Variants in DRC2 observed in about 807,000 individuals in gnomAD.
The protein encoded by DRC2 is coiled-coil domain containing 65.
At chr12:48,919,245 G>A in the DRC2 span, among the ~76,000 whole-genome samples, 9 of 146,962 alleles carry the variant, frequency 6.1e-5, no homozygotes, top group Non-Finnish European at 1.2e-4. Flanking sequence ...TCTTTTTGGT[G>A]AGACAGGGTC....
At chr12:48,917,136 A>T in the DRC2 span, 2 of 1,612,436 alleles carry the variant, frequency 1.2e-6, no homozygotes, top group East Asian at 4.5e-5. Context: ...ATAGGCAAGA[A>T]GTGGGAGGAG....
chr12:48,906,857 C>A, the DRC2 span, among the ~76,000 whole-genome samples: 3 of 151,766 alleles, frequency 2.0e-5, no homozygotes, highest in Admixed American at 2.0e-4. Flanking sequence ...TTAGCCACCG[C>A]GCCCAGCCCA....
the DRC2 span, among the ~76,000 whole-genome samples, chr12:48,919,709 G>T: frequency 6.6e-6 from 1 of 151,808 alleles, no homozygotes; most frequent in African/African-American, 2.4e-5. Flanking sequence ...GTGGAGACAG[G>T]GTTTCACCAT....
the DRC2 span, among the ~76,000 whole-genome samples, chr12:48,915,641 G>A: frequency 1.3e-5 from 2 of 151,850 alleles, no homozygotes; most frequent in African/African-American, 4.8e-5. Flanking sequence ...CCTCCCAGAC[G>A]GGGTGGTGGC....
At chr12:48,908,064 A>G in the DRC2 span, among the ~76,000 whole-genome samples, 1 of 152,090 alleles carries the variant, frequency 6.6e-6, no homozygotes, top group Non-Finnish European at 1.5e-5. Context: ...CCACCTGAGC[A>G]GTTGGGACTA....
At chr12:48,921,516 G>T in the DRC2 span, 13 of 1,372,782 alleles carry the variant, frequency 9.5e-6, 1 homozygote, top group Admixed American at 7.7e-5. Context: ...AACTCCTAGA[G>T]ATTTTTTTTT....
chr12:48,909,470 T>G, the DRC2 span, among the ~76,000 whole-genome samples: 1 of 151,000 alleles, frequency 6.6e-6, no homozygotes, highest in African/African-American at 2.5e-5. Flanking sequence ...TTCTTATTAT[T>G]TTTATTTTTA....
the DRC2 span, chr12:48,921,134 G>A: frequency 6.8e-6 from 11 of 1,611,288 alleles, no homozygotes; most frequent in Non-Finnish European, 9.3e-6. Context: ...AATGGGTCTC[G>A]CTGCACACCT....
chr12:48,918,424 G>T, the DRC2 span: 2 of 1,614,148 alleles, frequency 1.2e-6, no homozygotes, highest in Non-Finnish European at 1.7e-6. Flanking sequence ...AGGATGAGAA[G>T]AGCTCCAAAG....
chr12:48,904,622 C>T, the DRC2 span, among the ~76,000 whole-genome samples: 1 of 152,128 alleles, frequency 6.6e-6, no homozygotes, highest in African/African-American at 2.4e-5. Flanking sequence ...GTTTGGGAGG[C>T]GGGGGTGTTC....
At chr12:48,905,365 T>C in the DRC2 span, among the ~76,000 whole-genome samples, 7 of 152,216 alleles carry the variant, frequency 4.6e-5, 1 homozygote, top group Non-Finnish European at 1.5e-5. Flanking sequence ...TAAGGCACAG[T>C]AGACATCACC....
the DRC2 span, chr12:48,917,048 A>G: frequency 1.8e-4 from 297 of 1,614,174 alleles, 2 homozygotes; most frequent in African/African-American, 3.6e-3. Context: ...AGAACTATAT[A>G]GATTCTGAGT....
the DRC2 span, among the ~76,000 whole-genome samples, chr12:48,905,412 T>C: frequency 0.21 from 31,972 of 152,074 alleles, 4,311 homozygotes; most frequent in East Asian, 0.52. Flanking sequence ...TTCATTTCAA[T>C]GTCAGAAGGC....
the DRC2 span, chr12:48,914,343 T>A: frequency 6.7e-7 from 1 of 1,487,964 alleles, no homozygotes; most frequent in Non-Finnish European, 9.0e-7. Flanking sequence ...GCTGAATATA[T>A]TTTTATTTTC....
At chr12:48,910,697 T>G in the DRC2 span, among the ~76,000 whole-genome samples, 1 of 152,228 alleles carries the variant, frequency 6.6e-6, no homozygotes, top group Non-Finnish European at 1.5e-5. Flanking sequence ...TTTCTTTTTT[T>G]ACATAAATGA....
chr12:48,918,708 C>G, the DRC2 span: 1 of 1,613,656 alleles, frequency 6.2e-7, no homozygotes, highest in East Asian at 2.2e-5. Context: ...TTTCAAAAGG[C>G]AAGATCATGA....
chr12:48,920,111 TAAAAA>T, the DRC2 span, among the ~76,000 whole-genome samples: 24 of 32,080 alleles, frequency 7.5e-4, 1 homozygote, highest in African/African-American at 3.2e-3. Context: ...AGACCCTGTC[TAAAAA>T]AAAAAAAAAA....
chr12:48,921,406 T>G, the DRC2 span: 1 of 1,613,124 alleles, frequency 6.2e-7, no homozygotes, highest in African/African-American at 1.3e-5. Flanking sequence ...TCCATACGTA[T>G]AGCCCATCCA....
the DRC2 span, among the ~76,000 whole-genome samples, chr12:48,917,606 TGGGA>T: frequency 6.6e-6 from 1 of 152,162 alleles, no homozygotes; most frequent in Non-Finnish European, 1.5e-5. Flanking sequence ...GAAAATTGGT[TGGGA>T]GGGAGGACCA....
Sources: allele counts gnomAD v4.1 joint callset (sites outside exome capture counted in the v4.1 genomes callset), GRCh38; gene constraint gnomAD v4.1.1; transcripts MANE v1.5; gene names NCBI Gene and HGNC (gene_info 2026-07-23, HGNC 2026-07-21).